Variants in BBS12 observed in about 807,000 individuals in gnomAD.
The protein encoded by BBS12 is chaperonin-containing T-complex member BBS12.
A neutral mutation model predicts 5.6 loss-of-function variants in BBS12; 5 were observed. The observed-to-expected ratio is 0.89, with a 90% CI of 0.46 to 1.86. BBS12 has a LOEUF of 1.86. BBS12 is among the 40% of genes most tolerant of loss of function. BBS12 has a pLI of 0.01. For synonymous variants in BBS12, 308 were observed against 306.8 expected, an observed-to-expected ratio of 1.00 and a Z score of -0.04; for missense variants, 748 against 830.4, an observed-to-expected ratio of 0.90 and a Z score of 1.22.
At chr4:122,705,385 T>G in the BBS12 span, among the ~76,000 whole-genome samples, 1 of 152,130 alleles carries the variant, frequency 6.6e-6, no homozygotes, top group South Asian at 2.1e-4. Flanking sequence ...GGTGGGAGGA[T>G]TATTTGAGCC....
the BBS12 span, among the ~76,000 whole-genome samples, chr4:122,713,359 C>T: frequency 5.3e-3 from 811 of 151,760 alleles, 14 homozygotes; most frequent in African/African-American, 0.019. Flanking sequence ...TTTGGTGGCA[C>T]ATGCTGTAGT....
At chr4:122,716,713 ATATGTGTGTATATACACACACACG>A in the BBS12 span, among the ~76,000 whole-genome samples, 4 of 121,548 alleles carry the variant, frequency 3.3e-5, no homozygotes, top group Middle Eastern at 4.8e-3. Flanking sequence ...ATACATACAC[ATATGTGTGTATATACACACACACG>A]TGTGTGTGTA....
At chr4:122,724,770 A>G in the BBS12 span, among the ~76,000 whole-genome samples, 1 of 152,142 alleles carries the variant, frequency 6.6e-6, no homozygotes, top group Non-Finnish European at 1.5e-5. Flanking sequence ...GTGTTCTAGT[A>G]ATATTCCCAG....
At chr4:122,727,820 G>A (rs934296780), upstream of BBS12, among the ~76,000 whole-genome samples, 1 of 151,884 alleles carries the variant, frequency 6.6e-6, no homozygotes, top group African/African-American at 2.4e-5. Flanking sequence ...TGCGATTATA[G>A]GTGTGAGCCA....
the BBS12 span, among the ~76,000 whole-genome samples, chr4:122,705,375 G>A: frequency 1.3e-5 from 2 of 152,178 alleles, no homozygotes; most frequent in Non-Finnish European, 2.9e-5. Flanking sequence ...GGGAGGCCAA[G>A]GTGGGAGGAT....
At chr4:122,724,951 A>G in the BBS12 span, among the ~76,000 whole-genome samples, 1 of 152,196 alleles carries the variant, frequency 6.6e-6, no homozygotes, top group Non-Finnish European at 1.5e-5. Context: ...ATTATGTTTC[A>G]AAAGGAAAAT....
chr4:122,731,580 A>C (rs904814473), upstream of BBS12: 1 of 152,226 alleles, frequency 6.6e-6, no homozygotes, highest in Non-Finnish European at 1.5e-5. Flanking sequence ...TGGCAAAAAA[A>C]AATCTTCAAA....
chr4:122,743,366 T>C lies in BBS12; in HGVS notation c.1474T>C (p.Leu492=). 6.2e-7 allele frequency: 1 copy of C among 1,614,196 alleles called. No homozygotes were observed. Residue 492 remains leucine, a synonymous_variant, in exon 2 of 2, where the codon TTA becomes CTA. Transcript: ENST00000314218. Reference sequence around the variant, plus strand: ...TAGGAACAACAGAATCGCAATCTTATTAAAAACAGAAGGAATTAATTTGGT... The same window carrying C: ...TAGGAACAACAGAATCGCAATCTTACTAAAAACAGAAGGAATTAATTTGGT... ...VDRNNRIAIL[L]KTEGINLVTA...
At chr4:122,707,874 C>A in the BBS12 span, among the ~76,000 whole-genome samples, 2 of 152,172 alleles carry the variant, frequency 1.3e-5, no homozygotes, top group Non-Finnish European at 2.9e-5. Context: ...TCCACGTACC[C>A]AAAGGCCAGA....
chr4:122,721,163 A>G, the BBS12 span, among the ~76,000 whole-genome samples: 1 of 152,206 alleles, frequency 6.6e-6, no homozygotes, highest in Non-Finnish European at 1.5e-5. Flanking sequence ...CAGAGAATTT[A>G]TCACCAGCAG....
At chr4:122,727,349 A>G in the BBS12 span, among the ~76,000 whole-genome samples, 2 of 150,316 alleles carry the variant, frequency 1.3e-5, no homozygotes, top group African/African-American at 4.9e-5. Flanking sequence ...GGTTCACACC[A>G]TTCTCCTGCC....
At chr4:122,710,511 G>A in the BBS12 span, among the ~76,000 whole-genome samples, 5 of 152,258 alleles carry the variant, frequency 3.3e-5, no homozygotes, top group African/African-American at 7.2e-5. Context: ...ATCCAGTTGC[G>A]CATTTTAGCT....
the BBS12 span, among the ~76,000 whole-genome samples, chr4:122,715,331 A>C: frequency 6.6e-6 from 1 of 151,952 alleles, no homozygotes; most frequent in Admixed American, 6.6e-5. Context: ...AAAAAAAAAA[A>C]AAAAAGCTCA....
intron 1 of BBS12, among the ~76,000 whole-genome samples, chr4:122,738,386 T>G (rs1305625843): frequency 6.6e-6 from 1 of 152,076 alleles, no homozygotes; most frequent in East Asian, 1.9e-4. Context: ...AATTTTTTTG[T>G]ATTTTAACAG....
At chr4:122,737,033 T>G (rs1800792153) in intron 1 of BBS12, among the ~76,000 whole-genome samples, 1 of 152,224 alleles carries the variant, frequency 6.6e-6, no homozygotes, top group Non-Finnish European at 1.5e-5. Flanking sequence ...ATTTCATGCC[T>G]TTTGTATCTA....
intron 1 of BBS12, among the ~76,000 whole-genome samples, chr4:122,739,849 C>G (rs967864389): frequency 1.3e-5 from 2 of 152,248 alleles, no homozygotes; most frequent in African/African-American, 4.8e-5. Flanking sequence ...CCCCCGCTCC[C>G]TTTAAGGCCA....
the BBS12 span, among the ~76,000 whole-genome samples, chr4:122,703,101 G>A: frequency 1.3e-5 from 2 of 152,218 alleles, no homozygotes; most frequent in East Asian, 1.9e-4. Flanking sequence ...TAGGTAGGGA[G>A]CCAGAGGCAT....
At chr4:122,727,125 G>A in the BBS12 span, among the ~76,000 whole-genome samples, 1 of 152,170 alleles carries the variant, frequency 6.6e-6, no homozygotes, top group Admixed American at 6.5e-5. Context: ...AAAATATAAA[G>A]GCTGAAACAC....
the BBS12 span, among the ~76,000 whole-genome samples, chr4:122,721,563 T>G: frequency 1.1e-4 from 17 of 152,226 alleles, no homozygotes; most frequent in Non-Finnish European, 2.2e-4. Flanking sequence ...GGGAGCAGAT[T>G]GTCTATTATG....
Sources: allele counts gnomAD v4.1 joint callset (sites outside exome capture counted in the v4.1 genomes callset), GRCh38; gene constraint gnomAD v4.1.1; transcripts MANE v1.5; gene names NCBI Gene and HGNC (gene_info 2026-07-23, HGNC 2026-07-21).